The following ARHGAP28 variants were observed in gnomAD, a reference collection of about 807,000 sequenced individuals.
The protein encoded by ARHGAP28 is rho GTPase-activating protein 28.
Under a neutral mutation model 90.7 loss-of-function variants are expected in ARHGAP28, and 56 were observed. The ratio of observed to expected loss-of-function variants is 0.62; its 90% confidence interval spans 0.50 to 0.77. The LOEUF is 0.77. Among genes scored for constraint, ARHGAP28 ranks in the 30% least tolerant of loss-of-function variants. ARHGAP28 has a pLI of 0.00. For missense variants in ARHGAP28, 869 were observed against 900.9 expected (o/e 0.96, Z 0.45); for synonymous variants, 308 against 323.3 (o/e 0.95, Z 0.51).
chr18:6,795,296 G>C (rs1374260818), intron 1 of ARHGAP28, among the ~76,000 whole-genome samples: 1 of 152,064 alleles, frequency 6.6e-6, no homozygotes, highest in South Asian at 2.1e-4. Flanking sequence ...CGAGAAAGAA[G>C]AGTGCTCCAG....
At chr18:6,739,689 G>A (rs944223897) in intron 1 of ARHGAP28, among the ~76,000 whole-genome samples, 3 of 148,012 alleles carry the variant, frequency 2.0e-5, no homozygotes, top group Non-Finnish European at 3.0e-5. Flanking sequence ...CAGAAGGAGG[G>A]CAGGTTTTAA....
intron 2 of ARHGAP28, among the ~76,000 whole-genome samples, chr18:6,827,447 GC>G (rs1474935932): frequency 2.1e-5 from 3 of 140,254 alleles, no homozygotes; most frequent in Admixed American, 7.0e-5. Flanking sequence ...GGACGGGGCG[GC>G]TGGCCGGGCA....
chr18:6,824,724 T>A (rs979927729), intron 1 of ARHGAP28, 38 bp from the exon 2 acceptor site: 2 of 1,470,134 alleles, frequency 1.4e-6, no homozygotes, highest in Non-Finnish European at 1.8e-6. Context: ...CATAAAAATA[T>A]AACCCGTTTT....
intron 3 of ARHGAP28, among the ~76,000 whole-genome samples, chr18:6,842,985 A>G (rs1439659482): frequency 2.0e-5 from 3 of 152,200 alleles, no homozygotes; most frequent in Non-Finnish European, 4.4e-5. Context: ...AATTAAAAAA[A>G]TGTAAAATAT....
At chr18:6,742,604 G>C (rs1446577843) in intron 1 of ARHGAP28, among the ~76,000 whole-genome samples, 1 of 152,300 alleles carries the variant, frequency 6.6e-6, no homozygotes, top group African/African-American at 2.4e-5. Flanking sequence ...ATAATTAAGT[G>C]TATATGCTCA....
intron 1 of ARHGAP28, among the ~76,000 whole-genome samples, chr18:6,819,735 T>A (rs2056614515): frequency 6.6e-6 from 1 of 152,188 alleles, no homozygotes; most frequent in Admixed American, 6.5e-5. Flanking sequence ...GAGATCTCTG[T>A]AGTCCCATGG....
At chr18:6,751,825 C>T (rs1385641344) in intron 1 of ARHGAP28, among the ~76,000 whole-genome samples, 1 of 152,084 alleles carries the variant, frequency 6.6e-6, no homozygotes, top group African/African-American at 2.4e-5. Context: ...ATTTTCTTTT[C>T]TGATTTAACT....
chr18:6,890,083 A>G lies in ARHGAP28; in HGVS notation c.1732A>G (p.Lys578Glu). 1.2e-6 allele frequency: 2 copies of G among 1,614,112 alleles called. No homozygotes were observed. Among genetic ancestry groups the G allele is most frequent in the Non-Finnish European group, 1.7e-6 (2 of 1,179,990 alleles). Reference protein sequence around the residue: ...LMLKYQKILWKVPSFLITQVR... With the variant: ...LMLKYQKILWEVPSFLITQVR... ...GCTTAAGTACCAGAAGATTTTGTGG[A>G]AGGTGAGTGACATAGTGATGACAGG... is the stretch of plus-strand genomic sequence containing the variant. The change falls in exon 13 of 18, where the codon AAG becomes GAG. Residue 578 changes from lysine (K) to glutamate (E), a missense_variant and splice_region_variant. Physicochemically the swap from Lys to Glu is moderately conservative, Grantham distance 56. Transcript: ENST00000383472.
At chr18:6,752,719 C>A (rs2056079451) in intron 1 of ARHGAP28, among the ~76,000 whole-genome samples, 1 of 152,096 alleles carries the variant, frequency 6.6e-6, no homozygotes, top group South Asian at 2.1e-4. Flanking sequence ...TGCTGTGTGA[C>A]ACAGCAGGCT....
intron 1 of ARHGAP28, among the ~76,000 whole-genome samples, chr18:6,819,428 T>C (rs1329820072): frequency 1.3e-5 from 2 of 152,166 alleles, no homozygotes; most frequent in Non-Finnish European, 2.9e-5. Flanking sequence ...GAAGAACTCT[T>C]GTGACATAAG....
intron 1 of ARHGAP28, among the ~76,000 whole-genome samples, chr18:6,765,270 G>A (rs1475908182): frequency 1.3e-5 from 2 of 152,136 alleles, no homozygotes; most frequent in African/African-American, 2.4e-5. Flanking sequence ...ATCTGGGCTT[G>A]GAGTTTTCTT....
intron 15 of ARHGAP28, 88 bp downstream of exon 15, chr18:6,894,979 C>A: frequency 1.6e-6 from 2 of 1,258,584 alleles, no homozygotes; most frequent in South Asian, 1.2e-5. Flanking sequence ...TAATGTTGGT[C>A]ATGAACTATC....
chr18:6,817,152 A>T (rs1192191519), intron 1 of ARHGAP28, among the ~76,000 whole-genome samples: 1 of 151,770 alleles, frequency 6.6e-6, no homozygotes, highest in Non-Finnish European at 1.5e-5. Flanking sequence ...CGTCTCTACT[A>T]AAAAAACAAA....
chr18:6,782,143 A>G (rs1008282276), intron 1 of ARHGAP28, among the ~76,000 whole-genome samples: 6 of 152,052 alleles, frequency 3.9e-5, no homozygotes, highest in African/African-American at 1.4e-4. Context: ...AGCCTTGGGA[A>G]GGTCTGCTGT....
intron 14 of ARHGAP28, among the ~76,000 whole-genome samples, chr18:6,892,526 G>A (rs888462869): frequency 2.0e-5 from 3 of 152,138 alleles, no homozygotes; most frequent in Admixed American, 6.5e-5. Flanking sequence ...TTCTCCTTGT[G>A]TAGGAGCAAT....
chr18:6,833,795 A>G (rs2056732828), intron 2 of ARHGAP28, among the ~76,000 whole-genome samples: 1 of 152,070 alleles, frequency 6.6e-6, no homozygotes, highest in African/African-American at 2.4e-5. Context: ...CTTGGGAGGT[A>G]CCTTCAAACT....
chr18:6,782,953 C>A (rs1291500587), intron 1 of ARHGAP28, among the ~76,000 whole-genome samples: 2 of 151,980 alleles, frequency 1.3e-5, no homozygotes, highest in African/African-American at 2.4e-5. Flanking sequence ...TATCTGAATT[C>A]TAAAAAGGAG....
chr18:6,910,857 T>G (rs1305687736), intron 17 of ARHGAP28, among the ~76,000 whole-genome samples: 2 of 150,570 alleles, frequency 1.3e-5, no homozygotes, highest in African/African-American at 2.4e-5. Context: ...GCTTTGTTTT[T>G]TTTTTGAGAC....
intron 1 of ARHGAP28, among the ~76,000 whole-genome samples, chr18:6,801,074 G>A (rs1266101651): frequency 6.6e-6 from 1 of 152,074 alleles, no homozygotes; most frequent in Non-Finnish European, 1.5e-5. Context: ...CTAAGCCAAG[G>A]TCACAAAGAT....
Sources: allele counts gnomAD v4.1 joint callset (sites outside exome capture counted in the v4.1 genomes callset), GRCh38; gene constraint gnomAD v4.1.1; transcripts MANE v1.5; gene names NCBI Gene and HGNC (gene_info 2026-07-23, HGNC 2026-07-21).